PECAM1: variants seen among roughly 807,000 people sequenced by gnomAD.
PECAM1 encodes platelet endothelial cell adhesion molecule.
Under a neutral mutation model 13.8 loss-of-function variants are expected in PECAM1, and 8 were observed. The observed-to-expected ratio is 0.58, with a 90% CI of 0.34 to 1.05. The LOEUF is 1.05. Ranked by LOEUF, PECAM1 falls within the 50% of genes least tolerant of loss-of-function variation. The pLI, the probability that PECAM1 is intolerant of heterozygous loss-of-function variation, is 0.03. For missense variants in PECAM1, 304 were observed against 141.2 expected (o/e 2.15, Z -5.84); for synonymous variants, 136 against 52.6 (o/e 2.58, Z -6.86).
intron 2 of PECAM1, among the ~76,000 whole-genome samples, chr17:64,386,439 C>A (rs2036596025): frequency 6.7e-6 from 1 of 149,868 alleles, no homozygotes. Context: ...AGAATATGTT[C>A]TAGAATTAGA....
chr17:64,338,829 G>T (rs1431785768), intron 14 of PECAM1, among the ~76,000 whole-genome samples: 7 of 152,198 alleles, frequency 4.6e-5, no homozygotes, highest in African/African-American at 1.7e-4. Context: ...AAAGTGCTGG[G>T]ATTACAGGCG....
At chr17:64,344,859 G>A (rs959566241) in intron 13 of PECAM1, among the ~76,000 whole-genome samples, 2 of 152,028 alleles carry the variant, frequency 1.3e-5, no homozygotes, top group Admixed American at 6.6e-5. Flanking sequence ...CCCTCTTTAC[G>A]GGTCTACCTG....
chr17:64,332,832 TG>T (rs1436929444), intron 14 of PECAM1, among the ~76,000 whole-genome samples: 1 of 152,198 alleles, frequency 6.6e-6, no homozygotes, highest in Non-Finnish European at 1.5e-5. Context: ...AGAAACACCC[TG>T]GAAGTCTGAA....
chr17:64,349,519 C>T (rs964518809), intron 12 of PECAM1, among the ~76,000 whole-genome samples: 24 of 134,084 alleles, frequency 1.8e-4, no homozygotes, highest in Admixed American at 3.6e-4. Context: ...ACCCGAGAGG[C>T]GGAGGCTGCA....
Position 64,321,468 on chromosome 17 carries a change from G to A in PECAM1, c.*2348C>T. ...GGAAAGTAATTTTAAACTCATGTGT[G>A]CTCCACAGGCCGGGGGCGGTGGCTC... On this transcript the variant is annotated 3_prime_UTR_variant, in exon 16 of 16. Coordinates refer to ENST00000563924, the MANE Select transcript of PECAM1 (RefSeq NM_000442.5). 1.0e-6 allele frequency: 1 copy of A among 990,320 alleles called. No homozygotes were observed. The highest frequency in any genetic ancestry group is 1.2e-6 in the Non-Finnish European group (1 of 832,276). 61.3% of individuals were successfully genotyped at this position (990,320 alleles called of 1,614,324 possible). A position where few individuals can be genotyped will look rare whatever the true frequency, so the allele number is the denominator to read the frequency against.
At chr17:64,353,606 A>G (rs2035781687) in intron 9 of PECAM1, 88 bp from the exon 10 acceptor site, 1 of 429,118 alleles carries the variant, frequency 2.3e-6, no homozygotes, top group Non-Finnish European at 4.2e-6. Context: ...TGGCTTTTGC[A>G]CTAACCTAAT....
chr17:64,364,071 C>T (rs1337312851), intron 5 of PECAM1, among the ~76,000 whole-genome samples: 23 of 152,064 alleles, frequency 1.5e-4, no homozygotes, highest in Non-Finnish European at 2.5e-4. Flanking sequence ...ATTGATAGAC[C>T]GCTAGCAAGC....
At chr17:64,374,086 T>A (rs1350228623) in intron 4 of PECAM1, among the ~76,000 whole-genome samples, 1 of 152,078 alleles carries the variant, frequency 6.6e-6, no homozygotes, top group Non-Finnish European at 1.5e-5. Flanking sequence ...TTCCTCCCGA[T>A]CCCCTCCAAA....
chr17:64,360,217 A>G lies in PECAM1; in HGVS notation c.1415T>C (p.Val472Ala), dbSNP rs1236689819. 1 of 475,228 alleles carries G rather than the reference A, an allele frequency of 2.1e-6. No individual in the cohort carries two copies. The highest frequency in any genetic ancestry group is 3.9e-6 in the Non-Finnish European group (1 of 259,046). The allele number at this position is 475,228 out of a possible 1,614,324, so 29.4% of individuals were successfully genotyped here. A position where few individuals can be genotyped will look rare whatever the true frequency, so the allele number is the denominator to read the frequency against. ...ATTATCTGCAACACACTGGTATTCG[A>G]CGTCTTCAGTGGGGTTGTCTTTGAA... ...AVFKDNPTED[V>A]EYQCVADNCH... Residue 472 changes from valine (V) to alanine (A), a missense_variant, in exon 7 of 16, where the codon GTC (valine) becomes GCC (alanine). By Grantham distance (64) the Val-to-Ala change is moderately conservative. Coordinates refer to ENST00000563924, the MANE Select transcript of PECAM1 (RefSeq NM_000442.5).
intron 10 of PECAM1, among the ~76,000 whole-genome samples, chr17:64,352,990 A>G (rs1415799367): frequency 6.6e-6 from 1 of 152,062 alleles, no homozygotes; most frequent in Non-Finnish European, 1.5e-5. Flanking sequence ...ATCAGGACCA[A>G]AGCACACATG....
At chr17:64,376,343 TA>T (rs2036358623) in intron 3 of PECAM1, among the ~76,000 whole-genome samples, 1 of 148,652 alleles carries the variant, frequency 6.7e-6, no homozygotes, top group Admixed American at 6.7e-5. Flanking sequence ...TAAATAAATT[TA>T]AAAAATAAAA....
intron 15 of PECAM1, among the ~76,000 whole-genome samples, chr17:64,328,042 C>G (rs1555645985): frequency 3.3e-5 from 5 of 152,214 alleles, no homozygotes. Context: ...TCAAATGACT[C>G]TATTCTTTTT....
In PECAM1 at chr17:64,321,352, C is replaced by T. The variant is rs1555644378; in HGVS notation, c.*2464G>A. The T allele has an allele frequency of 5.1e-5, 43 of 849,438 alleles. No individual in the cohort carries two copies. Among genetic ancestry groups the T allele is most frequent in the Non-Finnish European group, 6.0e-5 (42 of 705,738 alleles). 52.6% of individuals were successfully genotyped at this position (849,438 alleles called of 1,614,324 possible). A position where few individuals can be genotyped will look rare whatever the true frequency, so the allele number is the denominator to read the frequency against. On this transcript the variant is annotated 3_prime_UTR_variant, in exon 16 of 16. Coordinates refer to ENST00000563924, the MANE Select transcript of PECAM1 (RefSeq NM_000442.5). ...AGCTGCCGAGGAAGGCTAAAGCCAG[C>T]GTCCTGGATTCAGACAGACCTTTTA...
At chr17:64,356,623 G>A (rs1376297112) in intron 7 of PECAM1, among the ~76,000 whole-genome samples, 27 of 151,912 alleles carry the variant, frequency 1.8e-4, no homozygotes, top group Non-Finnish European at 3.7e-4. Context: ...TGACAGGTGC[G>A]CCCACCAGGC....
chr17:64,348,619 G>T (rs1235469254), intron 12 of PECAM1, among the ~76,000 whole-genome samples: 1 of 151,918 alleles, frequency 6.6e-6, no homozygotes, highest in Non-Finnish European at 1.5e-5. Context: ...TGTATTTTTA[G>T]TAGAGACAGG....
At position 64,322,562 on chromosome 17, in the gene PECAM1, G is replaced by A. The variant is rs2034831551; in HGVS notation, c.*1254C>T. 2 of 985,378 alleles carry A rather than the reference G, an allele frequency of 2.0e-6. No homozygotes were observed. The highest frequency in any genetic ancestry group is 2.4e-6 in the Non-Finnish European group (2 of 829,944). The allele number at this position is 985,378 out of a possible 1,614,324, so 61.0% of individuals were successfully genotyped here. A position where few individuals can be genotyped will look rare whatever the true frequency, so the allele number is the denominator to read the frequency against. ...CATCCACGAGGGTCCCTGCAGCTGT[G>A]TCACTGAGGCAAACAGGAAAAGTGA... On this transcript the variant is annotated 3_prime_UTR_variant, in exon 16 of 16. Coordinates refer to ENST00000563924, the MANE Select transcript of PECAM1 (RefSeq NM_000442.5).
intron 15 of PECAM1, 42 bp from the exon 16 acceptor site, chr17:64,323,887 C>G (rs781988150): frequency 1.3e-6 from 1 of 791,724 alleles, no homozygotes; most frequent in Non-Finnish European, 2.3e-6. Flanking sequence ...TCACACCTCT[C>G]AAGATTGAAG....
At chr17:64,334,653 G>C (rs1326208863) in intron 14 of PECAM1, among the ~76,000 whole-genome samples, 2 of 151,992 alleles carry the variant, frequency 1.3e-5, no homozygotes, top group Non-Finnish European at 2.9e-5. Context: ...GACTACAGGC[G>C]CCCGCCACCA....
intron 13 of PECAM1, among the ~76,000 whole-genome samples, chr17:64,344,116 G>A (rs955633195): frequency 9.2e-5 from 14 of 152,008 alleles, no homozygotes; most frequent in African/African-American, 1.7e-4. Context: ...CTCACCCTCC[G>A]ACCCAGGCCC....
Sources: allele counts gnomAD v4.1 joint callset (sites outside exome capture counted in the v4.1 genomes callset), GRCh38; gene constraint gnomAD v4.1.1; transcripts MANE v1.5; gene names NCBI Gene and HGNC (gene_info 2026-07-23, HGNC 2026-07-21).